Variants in TBC1D5 observed in about 807,000 individuals in gnomAD.
The protein encoded by TBC1D5 is TBC1 domain family, member 5.
A neutral mutation model predicts 100.3 loss-of-function variants in TBC1D5; 75 were observed. The ratio of observed to expected loss-of-function variants is 0.75; its 90% CI spans 0.62 to 0.91. TBC1D5 has a LOEUF of 0.91. TBC1D5 is among the 40% of genes least tolerant of loss of function. TBC1D5 has a pLI of 0.00. For synonymous variants in TBC1D5, 323 were observed against 325.6 expected (o/e 0.99, Z 0.09); for missense variants, 910 against 942.4 (o/e 0.97, Z 0.45).
exon 20 of TBC1D5, chr3:17,167,785 T>A (rs1327981818): frequency 6.2e-7 from 1 of 1,612,432 alleles, no homozygotes; most frequent in Non-Finnish European, 8.5e-7. Context: ...GAATTTGATC[T>A]TCTTTTTCCA....
chr3:17,304,697 T>A (rs188014428), intron 14 of TBC1D5, among the ~76,000 whole-genome samples: 1 of 152,186 alleles, frequency 6.6e-6, no homozygotes, highest in Non-Finnish European at 1.5e-5. Context: ...CGAGCCACCA[T>A]GCTTGGCTTT....
At chr3:17,237,652 T>C (rs1357936577) in intron 17 of TBC1D5, among the ~76,000 whole-genome samples, 1 of 152,390 alleles carries the variant, frequency 6.6e-6, no homozygotes, top group East Asian at 1.9e-4. Flanking sequence ...TTACTTTGGC[T>C]GCTTTTAGTT....
intron 3 of TBC1D5, among the ~76,000 whole-genome samples, chr3:17,479,437 T>C (rs1241817416): frequency 6.6e-6 from 1 of 152,100 alleles, no homozygotes; most frequent in African/African-American, 2.4e-5. Flanking sequence ...AAACAATATA[T>C]CAAGGTGTAG....
In TBC1D5 at chr3:17,685,920, A is replaced by G. The variant is rs936961034; in HGVS notation, c.-101+53423T>C. Reference sequence around the variant, plus strand: ...CCTTAATTATTACAGATGGCATTTCATTCACTAGTGGACAATGTTTTACAA... The same window carrying G: ...CCTTAATTATTACAGATGGCATTTCGTTCACTAGTGGACAATGTTTTACAA... On this transcript the variant is annotated intron_variant, in intron 1 of 21. Transcript: ENST00000253692. 2.0e-5 allele frequency among the ~76,000 whole-genome samples: 3 copies of G among 152,308 alleles called. No homozygotes were observed. In the South Asian group the frequency reaches 6.2e-4, roughly 32 times the overall value.
chr3:17,408,290 CACACACACACACACA>C (rs2093828103), intron 4 of TBC1D5, among the ~76,000 whole-genome samples: 1 of 151,066 alleles, frequency 6.6e-6, no homozygotes, highest in Non-Finnish European at 1.5e-5. Flanking sequence ...CACACACACA[CACACACACACACACA>C]CACACACACA....
At chr3:17,698,316 G>T (rs375505028) in intron 1 of TBC1D5, among the ~76,000 whole-genome samples, 1 of 152,236 alleles carries the variant, frequency 6.6e-6, no homozygotes, top group African/African-American at 2.4e-5. Context: ...TTAATCAATG[G>T]TGCTGGGAAA....
intron 1 of TBC1D5, among the ~76,000 whole-genome samples, chr3:17,696,261 A>T (rs1227696801): frequency 6.6e-6 from 1 of 152,190 alleles, no homozygotes; most frequent in Non-Finnish European, 1.5e-5. Context: ...AGCAGAACTG[A>T]AGGAAATAGA....
chr3:17,435,976 G>C (rs2094528301), intron 3 of TBC1D5, among the ~76,000 whole-genome samples: 1 of 152,212 alleles, frequency 6.6e-6, no homozygotes, highest in Non-Finnish European at 1.5e-5. Context: ...AGTCTGCAAA[G>C]ACAGGAAGAG....
At chr3:17,351,132 A>T (rs1039793413) in intron 13 of TBC1D5, among the ~76,000 whole-genome samples, 9 of 152,330 alleles carry the variant, frequency 5.9e-5, no homozygotes, top group Non-Finnish European at 1.2e-4. Context: ...GCTTCTTTAA[A>T]TAAAAGTAGG....
chr3:17,173,810 G>A (rs1344341870), intron 19 of TBC1D5, among the ~76,000 whole-genome samples: 1 of 152,186 alleles, frequency 6.6e-6, no homozygotes, highest in Admixed American at 6.5e-5. Context: ...TTATAAAATA[G>A]AGAGGTGGGA....
At chr3:17,248,923 CA>C (rs2076966953) in intron 16 of TBC1D5, among the ~76,000 whole-genome samples, 1 of 152,182 alleles carries the variant, frequency 6.6e-6, no homozygotes, top group Non-Finnish European at 1.5e-5. Context: ...GCTTCTATAT[CA>C]GTACTTGCTG....
rs372330386 is a variant in TBC1D5 at position 17,186,851 on chromosome 3, C to T, written c.1753-1643G>A. On this transcript the variant is annotated intron_variant, in intron 18 of 21. Coordinates refer to ENST00000253692, the Ensembl canonical transcript of TBC1D5. ...TTACAAGCACTAACCATGTTCTTTA[C>T]ATATCCTGCAAGTGTAGCAGCCTCT... Among the ~76,000 whole-genome samples, 18 of 150,214 alleles carry T rather than the reference C, an allele frequency of 1.2e-4. No homozygotes were observed. The South Asian group carries it at 2.1e-3, about 18-fold the overall frequency.
At chr3:17,211,481 T>C (rs554718845) in intron 18 of TBC1D5, among the ~76,000 whole-genome samples, 2 of 152,348 alleles carry the variant, frequency 1.3e-5, no homozygotes, top group African/African-American at 2.4e-5. Flanking sequence ...TTTCAGAGAA[T>C]TAAATTTTCA....
chr3:17,550,239 T>C (rs1170841434), intron 2 of TBC1D5, among the ~76,000 whole-genome samples: 1 of 152,126 alleles, frequency 6.6e-6, no homozygotes, highest in African/African-American at 2.4e-5. Flanking sequence ...AAAGTATTTG[T>C]TAGGAAAATA....
intron 13 of TBC1D5, among the ~76,000 whole-genome samples, chr3:17,332,330 A>G (rs2086994595): frequency 6.6e-6 from 1 of 152,170 alleles, no homozygotes; most frequent in Admixed American, 6.6e-5. Flanking sequence ...CATTTTATTT[A>G]CAGATGGGAG....
At chr3:17,221,155 G>A (rs1481216049) in intron 17 of TBC1D5, among the ~76,000 whole-genome samples, 3 of 151,960 alleles carry the variant, frequency 2.0e-5, no homozygotes, top group Admixed American at 6.6e-5. Context: ...AATTCCCAGA[G>A]TCTATGAATT....
chr3:17,710,561 T>C (rs1345954933), intron 1 of TBC1D5, among the ~76,000 whole-genome samples: 1 of 148,490 alleles, frequency 6.7e-6, no homozygotes, highest in South Asian at 2.1e-4. Flanking sequence ...CAAAACTCCA[T>C]CTCAATAAAT....
rs139636220 is a variant in TBC1D5, at chr3:17,552,303, C to T, written c.-35-43698G>A. ...CCCTCCTGTTAGAGACCTTATGCTT[C>T]AAAATCATAATTCAAGTAGAGAATT... On this transcript the variant is annotated intron_variant, in intron 2 of 21. Coordinates refer to ENST00000253692, the Ensembl canonical transcript of TBC1D5. Among the ~76,000 whole-genome samples, 6 of 152,144 alleles carry T rather than the reference C, an allele frequency of 3.9e-5. No individual in the cohort carries two copies. In the East Asian group the frequency reaches 1.2e-3, roughly 29 times the overall value.
chr3:17,171,033 C>T (rs1312322149), intron 19 of TBC1D5, among the ~76,000 whole-genome samples: 1 of 152,072 alleles, frequency 6.6e-6, no homozygotes, highest in African/African-American at 2.4e-5. Flanking sequence ...CTTCCCAAAT[C>T]ATTTTGGCCA....
Sources: gnomAD v4.1 joint callset for allele counts (sites outside exome capture counted in the v4.1 genomes callset) on GRCh38, gnomAD v4.1.1 for gene constraint, MANE v1.5 for transcripts, NCBI Gene and HGNC (gene_info 2026-07-23, HGNC 2026-07-21) for gene names.